Variants in HS1BP3 observed in about 807,000 individuals in gnomAD.
HS1BP3 encodes HCLS1-binding protein 3.
In HS1BP3, 32 loss-of-function variants were observed where a neutral mutation model predicts 33.5. The observed-to-expected ratio is 0.95, with a 90% CI of 0.72 to 1.28. The LOEUF (loss-of-function observed/expected upper bound fraction) is 1.28, where lower values mean the gene tolerates loss of function less well. Ranked by LOEUF, HS1BP3 falls within the 50% of genes most tolerant of loss-of-function variation. The pLI, the probability that HS1BP3 is intolerant of heterozygous loss-of-function variation, is 0.00. For missense variants in HS1BP3, 486 were observed against 502.3 expected (o/e 0.97, Z 0.31); for synonymous variants, 187 against 209.2 (o/e 0.89, Z 0.92).
At chr2:20,570,889 C>A (rs1235053198) in intron 5 of HS1BP3, among the ~76,000 whole-genome samples, 13 of 152,084 alleles carry the variant, frequency 8.5e-5, no homozygotes, top group Non-Finnish European at 1.8e-4. Context: ...CGGGCTGAGG[C>A]CAGAAAGCCC....
chr2:20,568,785 C>T (rs988530465), intron 5 of HS1BP3, among the ~76,000 whole-genome samples: 3 of 152,174 alleles, frequency 2.0e-5, no homozygotes, highest in African/African-American at 7.2e-5. Flanking sequence ...GTGCTTATCT[C>T]GAAGAGTTCC....
intron 5 of HS1BP3, among the ~76,000 whole-genome samples, chr2:20,562,119 A>T (rs1037908509): frequency 6.6e-6 from 1 of 152,142 alleles, no homozygotes; most frequent in Non-Finnish European, 1.5e-5. Context: ...CCCTTTCCCC[A>T]TGCCTCGCCC....
rs924683822 is a variant in HS1BP3, at chr2:20,618,654, C to T, written c.*333G>A. 1.8e-6 allele frequency: 2 copies of T among 1,132,124 alleles called. No individual in the cohort carries two copies. The highest frequency in any genetic ancestry group is 2.2e-6 in the Non-Finnish European group (2 of 916,160). 70.1% of individuals were successfully genotyped at this position (1,132,124 alleles called of 1,614,324 possible). A position where few individuals can be genotyped will look rare whatever the true frequency, so the allele number is the denominator to read the frequency against. On this transcript the variant is annotated 3_prime_UTR_variant, in exon 7 of 7. Coordinates refer to ENST00000304031, the MANE Select transcript of HS1BP3 (RefSeq NM_022460.4). ...CTTCCCTGCCCCATGTGACACCTCGCTACGGCCCCACATGTCTTGCTTCAT... is the reference window on the plus strand; with the variant it reads ...CTTCCCTGCCCCATGTGACACCTCGTTACGGCCCCACATGTCTTGCTTCAT...
intron 5 of HS1BP3, among the ~76,000 whole-genome samples, chr2:20,587,211 T>C (rs1252271567): frequency 2.0e-5 from 3 of 152,210 alleles, no homozygotes; most frequent in African/African-American, 4.8e-5. Flanking sequence ...TGTACGATCA[T>C]AGGACACAGT....
chr2:20,605,288 C>T (rs1448684299), intron 2 of HS1BP3, among the ~76,000 whole-genome samples: 1 of 152,162 alleles, frequency 6.6e-6, no homozygotes, highest in African/African-American at 2.4e-5. Context: ...TTGCTTCATG[C>T]CTTCCATCCT....
intron 2 of HS1BP3, among the ~76,000 whole-genome samples, chr2:20,602,569 A>T (rs750026734): frequency 1.7e-4 from 26 of 152,310 alleles, no homozygotes; most frequent in Non-Finnish European, 3.7e-4. Flanking sequence ...TAGCTCTTTA[A>T]CAGATTCTCA....
intron 2 of HS1BP3, chr2:20,606,716 A>T (rs1200385616): frequency 1.2e-5 from 3 of 256,422 alleles, no homozygotes; most frequent in Non-Finnish European, 2.3e-5. Flanking sequence ...ACAAAAAGAC[A>T]CTGAACATAT....
chr2:20,602,229 T>C lies in HS1BP3; in HGVS notation c.179-3964A>G, dbSNP rs185235258. On this transcript the variant is annotated intron_variant, in intron 2 of 3. Transcript: ENST00000415264. ...GAGGAGCCATGCGGGGGGAATTTATTTCTGGCCTCTGTGCCAGAAAGAGCA... is the reference window on the plus strand; with the variant it reads ...GAGGAGCCATGCGGGGGGAATTTATCTCTGGCCTCTGTGCCAGAAAGAGCA... Among the ~76,000 whole-genome samples, 505 of 151,874 alleles carry C rather than the reference T, an allele frequency of 3.3e-3. 2 individuals carry two copies. Among genetic ancestry groups the C allele is most frequent in the Middle Eastern group, 0.017 (5 of 294 alleles).
downstream of HS1BP3, among the ~76,000 whole-genome samples, chr2:20,559,246 C>G (rs1259467954): frequency 6.6e-6 from 1 of 152,206 alleles, no homozygotes; most frequent in African/African-American, 2.4e-5. Context: ...CAAAACTAAT[C>G]CTCCAGGCAG....
downstream of HS1BP3, among the ~76,000 whole-genome samples, chr2:20,556,896 G>A (rs578221119): frequency 7.2e-5 from 11 of 152,296 alleles, no homozygotes; most frequent in South Asian, 2.3e-3. Context: ...TGTAATCAGT[G>A]GGGAAGGTTC....
At chr2:20,570,013 A>C (rs1194130890) in intron 5 of HS1BP3, among the ~76,000 whole-genome samples, 1 of 152,126 alleles carries the variant, frequency 6.6e-6, no homozygotes, top group African/African-American at 2.4e-5. Flanking sequence ...TCAGCCTGAG[A>C]GAAGCAAACC....
In HS1BP3 at chr2:20,566,413, C is replaced by T. The variant is rs1020206349; in HGVS notation, c.303-5898G>A. Among the ~76,000 whole-genome samples, 66 of 152,172 alleles carry T rather than the reference C, an allele frequency of 4.3e-4. 3 individuals carry two copies. The highest frequency in any genetic ancestry group is 8.8e-5 in the Non-Finnish European group (6 of 68,034). On this transcript the variant is annotated intron_variant, in intron 5 of 5. Transcript: ENST00000446825. ...ATTTCTGCCCCAGTGGCCTGAGCAC[C>T]TGTGGGTCCAAAGCCCTCAGAGTCA...
chr2:20,624,921 G>A, intron 4 of HS1BP3, 29 bp from the exon 5 acceptor site: 1 of 1,612,876 alleles, frequency 6.2e-7, no homozygotes, highest in Non-Finnish European at 8.5e-7. Flanking sequence ...AGCACAAGGT[G>A]AGGATTTCCC....
chr2:20,635,793 T>C (rs1263074326), intron 4 of HS1BP3: 1 of 152,024 alleles, frequency 6.6e-6, no homozygotes, highest in Non-Finnish European at 1.5e-5. Context: ...AGCGGTGGTG[T>C]TGGGATGGGC....
chr2:20,559,539 T>A (rs1460207304), downstream of HS1BP3, among the ~76,000 whole-genome samples: 1 of 151,366 alleles, frequency 6.6e-6, no homozygotes, highest in Non-Finnish European at 1.5e-5. Flanking sequence ...GATGGATGCA[T>A]GGATGGATAG....
intron 6 of HS1BP3, 134 bp from the exon 7 acceptor site, chr2:20,619,379 G>A (rs898626816): frequency 6.7e-5 from 48 of 717,224 alleles, no homozygotes; most frequent in Non-Finnish European, 1.0e-4. Context: ...TCAAGGCCCC[G>A]CCCTGCTCTG....
chr2:20,606,258 A>T (rs1013776205), intron 2 of HS1BP3: 1 of 285,476 alleles, frequency 3.5e-6, no homozygotes, highest in African/African-American at 2.2e-5. Context: ...ATTTTTCTAA[A>T]TGTACAGTTG....
At chr2:20,556,682 G>A (rs550768204), downstream of HS1BP3, among the ~76,000 whole-genome samples, 4 of 152,178 alleles carry the variant, frequency 2.6e-5, no homozygotes, top group South Asian at 8.3e-4. Flanking sequence ...CAAGACTTGG[G>A]GTCAGAGGGA....
At chr2:20,598,291 G>T in intron 2 of HS1BP3, 1 of 396,524 alleles carries the variant, frequency 2.5e-6, no homozygotes, top group Non-Finnish European at 5.2e-6. Flanking sequence ...GACAGTGATA[G>T]ATCGTCAGGC....
Sources: allele counts gnomAD v4.1 joint callset (sites outside exome capture counted in the v4.1 genomes callset), GRCh38; gene constraint gnomAD v4.1.1; transcripts MANE v1.5; gene names NCBI Gene and HGNC (gene_info 2026-07-23, HGNC 2026-07-21).